Variants in MRPS21 observed in about 807,000 individuals in gnomAD.
MRPS21 encodes the protein small ribosomal subunit protein bS21m.
MRPS21 carries 8 observed loss-of-function variants against 9.9 expected under a neutral mutation model. That is an observed-to-expected ratio of 0.81 (90% CI 0.47 to 1.45). The LOEUF is 1.45. MRPS21 is among the 40% of genes most tolerant of loss of function. The probability of loss-of-function intolerance (pLI) is 0.00; values close to 1 mark genes in which losing one functional copy is unlikely to be tolerated. For missense variants in MRPS21, 101 were observed against 118.9 expected (o/e 0.85, Z 0.70); for synonymous variants, 40 against 40.3 (o/e 0.99, Z 0.03).
intron 2 of MRPS21, among the ~76,000 whole-genome samples, chr1:150,302,084 C>G (rs187171549): frequency 6.6e-5 from 10 of 152,252 alleles, no homozygotes; most frequent in African/African-American, 9.6e-5. Context: ...TTCTGTATAT[C>G]TTTCTCACAC....
chr1:150,299,252 A>G (rs1036605060), intron 2 of MRPS21, among the ~76,000 whole-genome samples: 10 of 152,236 alleles, frequency 6.6e-5, no homozygotes, highest in Admixed American at 3.9e-4. Flanking sequence ...CTCCTTCCTG[A>G]TCCTCTTCAC....
chr1:150,301,529 A>G (rs781871679), intron 2 of MRPS21, among the ~76,000 whole-genome samples: 27 of 152,230 alleles, frequency 1.8e-4, no homozygotes, highest in Non-Finnish European at 2.9e-4. Context: ...TTCAAGTCCC[A>G]TAGACTCAGA....
chr1:150,296,059 C>G (rs782670041), intron 2 of MRPS21, among the ~76,000 whole-genome samples: 9 of 151,514 alleles, frequency 5.9e-5, no homozygotes, highest in Non-Finnish European at 1.2e-4. Context: ...TCAATTGACT[C>G]TTCTGCCTCA....
chr1:150,303,311 G>C (rs1464698380), intron 2 of MRPS21, among the ~76,000 whole-genome samples: 1 of 151,728 alleles, frequency 6.6e-6, no homozygotes, highest in Non-Finnish European at 1.5e-5. Flanking sequence ...TTCTTTCAGG[G>C]GCTTTTTTCT....
In MRPS21 at chr1:150,308,440, C is replaced by T. The variant is rs1020907408; in HGVS notation, c.*212C>T. 5 of 472,012 alleles carry T rather than the reference C, an allele frequency of 1.1e-5. No homozygotes were observed. In the East Asian group the frequency reaches 1.6e-4, roughly 15 times the overall value. 29.2% of individuals were successfully genotyped at this position (472,012 alleles called of 1,614,324 possible). A position where few individuals can be genotyped will look rare whatever the true frequency, so the allele number is the denominator to read the frequency against. On this transcript the variant is annotated 3_prime_UTR_variant, in exon 3 of 3. Coordinates refer to ENST00000614145, the MANE Select transcript of MRPS21 (RefSeq NM_031901.6). ...AGAAGAAACTGAGTCTGAAAGTACTCTAGGAGTAGAATGGTATTTGCCAGG... is the reference window on the plus strand; with the variant it reads ...AGAAGAAACTGAGTCTGAAAGTACTTTAGGAGTAGAATGGTATTTGCCAGG...
rs1653834567 is a variant in MRPS21 at position 150,294,329 on chromosome 1, C to A, written c.-32-6C>A. 7 of 1,559,376 alleles carry A rather than the reference C, an allele frequency of 4.5e-6. No individual in the cohort carries two copies. The highest frequency in any genetic ancestry group is 6.2e-6 in the Non-Finnish European group (7 of 1,132,116). On this transcript the variant is annotated splice_region_variant and splice_polypyrimidine_tract_variant and intron_variant, in intron 1 of 2. Transcript: ENST00000614145. ...CTTTCCTCGCCCTTTCTCCATCATC[C>A]TTTAGGCTCTACAGAGTGAAGGTTT...
chr1:150,300,269 G>T (rs1654068041), intron 2 of MRPS21, among the ~76,000 whole-genome samples: 2 of 152,014 alleles, frequency 1.3e-5, no homozygotes, highest in African/African-American at 4.8e-5. Context: ...CTTGAACCTG[G>T]GAGCTGGAGG....
chr1:150,295,009 T>A (rs1210325785), intron 2 of MRPS21, among the ~76,000 whole-genome samples: 1 of 150,346 alleles, frequency 6.7e-6, no homozygotes, highest in Non-Finnish European at 1.5e-5. Context: ...TTTTTTTTTT[T>A]TTTTGAGGCA....
intron 2 of MRPS21, among the ~76,000 whole-genome samples, chr1:150,295,226 C>T (rs587760122): frequency 6.6e-6 from 1 of 152,068 alleles, no homozygotes; most frequent in South Asian, 2.1e-4. Flanking sequence ...GATCTCCTGA[C>T]CTCAAGTGAT....
intron 2 of MRPS21, among the ~76,000 whole-genome samples, chr1:150,301,788 A>G (rs1455995792): frequency 6.6e-6 from 1 of 151,810 alleles, no homozygotes; most frequent in African/African-American, 2.4e-5. Context: ...TGTAGTAGAG[A>G]CGGGGTTTCA....
At chr1:150,304,427 G>A (rs782610290) in intron 2 of MRPS21, among the ~76,000 whole-genome samples, 1 of 152,196 alleles carries the variant, frequency 6.6e-6, no homozygotes, top group East Asian at 1.9e-4. Flanking sequence ...TACAGAATCA[G>A]AAACTGTGGC....
intron 2 of MRPS21, among the ~76,000 whole-genome samples, chr1:150,299,407 ACACT>A (rs1654029966): frequency 6.9e-6 from 1 of 144,316 alleles, no homozygotes; most frequent in South Asian, 2.2e-4. Context: ...AATTTAATCA[ACACT>A]CAGTTTTTGC....
intron 2 of MRPS21, among the ~76,000 whole-genome samples, chr1:150,306,569 T>A (rs1006462130): frequency 1.3e-5 from 2 of 151,768 alleles, no homozygotes; most frequent in Admixed American, 1.3e-4. Context: ...AACCTTGGCT[T>A]ACTGCAATCT....
intron 2 of MRPS21, among the ~76,000 whole-genome samples, chr1:150,297,240 G>A (rs587721556): frequency 4.0e-5 from 6 of 150,296 alleles, no homozygotes; most frequent in East Asian, 2.0e-4. Flanking sequence ...GCAGTGAGCC[G>A]AGAGCGTGCC....
chr1:150,297,672 A>C (rs1553856822), intron 2 of MRPS21, among the ~76,000 whole-genome samples: 1 of 151,612 alleles, frequency 6.6e-6, no homozygotes. Flanking sequence ...CTCAAAAAAA[A>C]AAATCTGGTC....
intron 2 of MRPS21, among the ~76,000 whole-genome samples, chr1:150,306,422 C>T (rs928489818): frequency 6.6e-5 from 10 of 151,808 alleles, no homozygotes; most frequent in Admixed American, 1.3e-4. Context: ...CCCACCACTA[C>T]GCCTGGCTAA....
At chr1:150,300,532 G>C (rs1231032559) in intron 2 of MRPS21, among the ~76,000 whole-genome samples, 1 of 152,090 alleles carries the variant, frequency 6.6e-6, no homozygotes, top group African/African-American at 2.4e-5. Context: ...CTGAAGTGTC[G>C]TTAACAGCAG....
chr1:150,301,656 G>C (rs1654138737), intron 2 of MRPS21, among the ~76,000 whole-genome samples: 1 of 148,910 alleles, frequency 6.7e-6, no homozygotes, highest in Admixed American at 6.7e-5. Flanking sequence ...TCTCTCTGTT[G>C]CCCAGACTGC....
At chr1:150,305,643 G>A (rs1443658215) in intron 2 of MRPS21, among the ~76,000 whole-genome samples, 1 of 152,238 alleles carries the variant, frequency 6.6e-6, no homozygotes, top group East Asian at 1.9e-4. Flanking sequence ...TTGCCCAGCT[G>A]GAGTGCAGTG....
Sources: gnomAD v4.1 joint callset for allele counts (sites outside exome capture counted in the v4.1 genomes callset) on GRCh38, gnomAD v4.1.1 for gene constraint, MANE v1.5 for transcripts, NCBI Gene and HGNC (gene_info 2026-07-23, HGNC 2026-07-21) for gene names.